The following HGF variants were observed in gnomAD, a reference collection of about 807,000 sequenced individuals.
HGF encodes the protein fibroblast-derived tumor cytotoxic factor.
In HGF, 39 loss-of-function variants were observed where a neutral mutation model predicts 111.6. That is an observed-to-expected ratio of 0.35 (90% CI 0.27 to 0.46). HGF has a LOEUF of 0.46. Ranked by LOEUF, HGF falls within the 20% of genes least tolerant of loss-of-function variation. HGF has a pLI of 1.00. For synonymous variants in HGF, 285 were observed against 294.8 expected (o/e 0.97, Z 0.34); for missense variants, 735 against 910.5 (o/e 0.81, Z 2.48).
intron 1 of HGF, among the ~76,000 whole-genome samples, chr7:81,766,673 T>G (rs552381399): frequency 6.6e-6 from 1 of 152,292 alleles, no homozygotes; most frequent in South Asian, 2.1e-4. Flanking sequence ...GGGGCCTCCC[T>G]AGGTATTTTC....
intron 1 of HGF, among the ~76,000 whole-genome samples, chr7:81,768,653 A>G (rs1412096712): frequency 6.6e-6 from 1 of 152,206 alleles, no homozygotes; most frequent in Non-Finnish European, 1.5e-5. Context: ...TGCTGGGATT[A>G]CAGGCGTGAG....
intron 11 of HGF, among the ~76,000 whole-genome samples, chr7:81,713,051 G>A (rs752825409): frequency 4.5e-4 from 69 of 152,080 alleles, no homozygotes; most frequent in Non-Finnish European, 9.0e-4. Flanking sequence ...GGTTTTCCAC[G>A]TAAGTCAAAT....
rs1195499137 is a variant in HGF, at chr7:81,743,146, G to A, written c.865+207C>T. 3.3e-5 allele frequency among the ~76,000 whole-genome samples: 5 copies of A among 152,148 alleles called. No homozygotes were observed. The East Asian group carries it at 9.6e-4, about 29-fold the overall frequency. ...GTAAAAATGTTTTCTATGGATGTGTGTATTTGCATATTTATCACAGTCAAA... is the reference window on the plus strand; with the variant it reads ...GTAAAAATGTTTTCTATGGATGTGTATATTTGCATATTTATCACAGTCAAA... On this transcript the variant is annotated intron_variant, in intron 7 of 17. Transcript: ENST00000222390.
At chr7:81,711,747 G>T in intron 11 of HGF, among the ~76,000 whole-genome samples, 1 of 151,998 alleles carries the variant, frequency 6.6e-6, no homozygotes, top group East Asian at 1.9e-4. Flanking sequence ...AGGTTCAAGC[G>T]ATTCTCCTGA....
At chr7:81,749,092 T>C (rs1178330353) in intron 5 of HGF, among the ~76,000 whole-genome samples, 1 of 152,132 alleles carries the variant, frequency 6.6e-6, no homozygotes, top group African/African-American at 2.4e-5. Context: ...CATATATAAA[T>C]AAAAGTTTGT....
intron 10 of HGF, among the ~76,000 whole-genome samples, chr7:81,719,037 TGGTG>T (rs1444591124): frequency 6.6e-6 from 1 of 152,228 alleles, no homozygotes; most frequent in East Asian, 1.9e-4. Context: ...ACTCTCTATA[TGGTG>T]TTACCACTTT....
intron 2 of HGF, among the ~76,000 whole-genome samples, 186 bp from the exon 3 acceptor site, chr7:81,758,990 C>CAAAATT (rs1365016948): frequency 6.6e-6 from 1 of 151,930 alleles, no homozygotes; most frequent in African/African-American, 2.4e-5. Flanking sequence ...CAAGAAAGAA[C>CAAAATT]AAAATTAAGT....
At chr7:81,744,300 A>G (rs913545909) in intron 6 of HGF, among the ~76,000 whole-genome samples, 1 of 70,672 alleles carries the variant, frequency 1.4e-5, no homozygotes, top group African/African-American at 6.8e-5. Context: ...AAAAGTAGAC[A>G]TGATTTTTTT....
At position 81,757,429 on chromosome 7, in the gene HGF, C is replaced by G. The variant is rs1046605423; in HGVS notation, c.368-126G>C. On this transcript the variant is annotated intron_variant, in intron 3 of 17. Transcript: ENST00000222390. ...ACTATTTCAAATAACATTGAAATTT[C>G]TTGCCTAAAGCTTCTACTAGTATTT... 9.1e-6 allele frequency: 6 copies of G among 662,974 alleles called. No homozygotes were observed. The African/African-American group carries it at 1.1e-4, about 12-fold the overall frequency. The allele number at this position is 662,974 out of a possible 1,614,324, so 41.1% of individuals were successfully genotyped here.
At chr7:81,752,337 G>A (rs1788547338) in intron 4 of HGF, 75 bp from the exon 5 acceptor site, 1 of 1,241,212 alleles carries the variant, frequency 8.1e-7, no homozygotes, top group East Asian at 2.3e-5. Context: ...ACTAATTAGT[G>A]GGTATGTTTT....
intron 10 of HGF, among the ~76,000 whole-genome samples, chr7:81,719,509 A>G (rs547934441): frequency 1.1e-4 from 17 of 152,240 alleles, no homozygotes; most frequent in Non-Finnish European, 1.6e-4. Flanking sequence ...AACAGACACC[A>G]GATTTTGAAT....
At chr7:81,734,666 G>A (rs549311469) in intron 7 of HGF, among the ~76,000 whole-genome samples, 1 of 152,260 alleles carries the variant, frequency 6.6e-6, no homozygotes, top group East Asian at 1.9e-4. Context: ...TCTATAAAGT[G>A]CTAGCCAAAG....
At chr7:81,765,785 G>A (rs1038758313) in intron 1 of HGF, among the ~76,000 whole-genome samples, 1 of 152,130 alleles carries the variant, frequency 6.6e-6, no homozygotes, top group Non-Finnish European at 1.5e-5. Context: ...TCCTCCATAT[G>A]TATTAACAAC....
chr7:81,724,612 T>C (rs1373406304), intron 9 of HGF, among the ~76,000 whole-genome samples: 1 of 152,212 alleles, frequency 6.6e-6, no homozygotes, highest in Non-Finnish European at 1.5e-5. Flanking sequence ...GGTACATAGG[T>C]AGGTTTGTTA....
chr7:81,724,240 T>A (rs1235183355), intron 9 of HGF, among the ~76,000 whole-genome samples: 1 of 152,152 alleles, frequency 6.6e-6, no homozygotes, highest in Admixed American at 6.5e-5. Context: ...AACTGATCCT[T>A]AAAGGAACAG....
intron 4 of HGF, chr7:81,755,410 G>A (rs1187881571): frequency 6.6e-6 from 1 of 152,006 alleles, no homozygotes; most frequent in East Asian, 1.9e-4. Context: ...TACAAAAAGG[G>A]ATTTTATTAA....
intron 9 of HGF, among the ~76,000 whole-genome samples, chr7:81,723,837 C>T (rs1198429175): frequency 6.7e-6 from 1 of 150,032 alleles, no homozygotes; most frequent in Non-Finnish European, 1.5e-5. Context: ...TATATATACA[C>T]ATATATATAT....
At position 81,726,186 on chromosome 7, in the gene HGF, T is replaced by A. The variant is rs5745702; in HGVS notation, c.1041-169A>T. Among the ~76,000 whole-genome samples the A allele has an allele frequency of 0.1, 15,320 of 152,254 alleles. 2,574 individuals are homozygous for A. Among genetic ancestry groups the A allele is most frequent in the African/African-American group, 0.35 (14,389 of 41,490 alleles). On this transcript the variant is annotated intron_variant, in intron 8 of 17. Coordinates refer to ENST00000222390, the MANE Select transcript of HGF (RefSeq NM_000601.6). ...TTAATATTCAGTATACATAACTGAC[T>A]CTGCCCAAATTACTGAAATAAATGC...
chr7:81,717,139 A>G (rs1789733258), intron 11 of HGF, 93 bp downstream of exon 11: 1 of 1,298,994 alleles, frequency 7.7e-7, no homozygotes, highest in African/African-American at 1.5e-5. Context: ...ATTTGGGAAT[A>G]AATGCCAGAC....
Sources: allele counts gnomAD v4.1 joint callset (sites outside exome capture counted in the v4.1 genomes callset), GRCh38; gene constraint gnomAD v4.1.1; transcripts MANE v1.5; gene names NCBI Gene and HGNC (gene_info 2026-07-23, HGNC 2026-07-21).